DNAJC7: variants seen among roughly 807,000 people sequenced by gnomAD.
DNAJC7 encodes the protein DnaJ heat shock protein family (Hsp40) member C7, also known as dnaJ homolog subfamily C member 7.
DNAJC7 carries 18 observed loss-of-function variants against 67.4 expected under a neutral mutation model. The ratio of observed to expected loss-of-function variants is 0.27; its 90% confidence interval spans 0.18 to 0.40. DNAJC7 has a LOEUF of 0.40. DNAJC7 is among the 10% of genes least tolerant of loss of function. The pLI is 1.00. For synonymous variants in DNAJC7, 220 were observed against 207.8 expected, an observed-to-expected ratio of 1.06 and a Z score of -0.50; for missense variants, 419 against 613.8, an observed-to-expected ratio of 0.68 and a Z score of 3.35.
chr17:41,977,377 T>C lies in DNAJC7; in HGVS notation c.1385-54A>G, dbSNP rs1367904349. 4 of 1,481,732 alleles carry C rather than the reference T, an allele frequency of 2.7e-6. No homozygotes were observed. In the South Asian group the frequency reaches 3.6e-5, roughly 13 times the overall value. 91.8% of individuals were successfully genotyped at this position (1,481,732 alleles called of 1,614,324 possible). On this transcript the variant is annotated intron_variant, in intron 12 of 13. Coordinates refer to ENST00000457167, the MANE Select transcript of DNAJC7 (RefSeq NM_003315.4). ...GGAAGAAAAGGTGAAAAATTAGAAA[T>C]GTTCGAAGAGAACTGATGACACTGA...
intron 12 of DNAJC7, among the ~76,000 whole-genome samples, chr17:41,978,874 C>G (rs958582619): frequency 2.2e-4 from 33 of 151,298 alleles, no homozygotes; most frequent in African/African-American, 7.5e-4. Flanking sequence ...AGTGAGACTC[C>G]GTCTCAAAAC....
chr17:41,982,679 C>T (rs1420515083), intron 10 of DNAJC7, among the ~76,000 whole-genome samples: 4 of 152,156 alleles, frequency 2.6e-5, no homozygotes, highest in East Asian at 1.9e-4. Context: ...TTCGGTAGCA[C>T]GAAAGAAAGG....
At chr17:42,006,433 C>A (rs1555650270) in intron 1 of DNAJC7, among the ~76,000 whole-genome samples, 1 of 151,554 alleles carries the variant, frequency 6.6e-6, no homozygotes, top group African/African-American at 2.4e-5. Context: ...ACCTCCTGAG[C>A]CCAGGAGGTC....
intron 12 of DNAJC7, 127 bp from the exon 13 acceptor site, chr17:41,977,450 C>T (rs77147872): frequency 0.015 from 12,105 of 832,588 alleles, 111 homozygotes; most frequent in Non-Finnish European, 0.019. Context: ...CCCTCCTTTC[C>T]CAACACTTCA....
chr17:42,011,475 A>G (rs1398681518), intron 1 of DNAJC7: 1 of 152,054 alleles, frequency 6.6e-6, no homozygotes, highest in Non-Finnish European at 1.5e-5. Context: ...CTTTCTCTGT[A>G]CTCTACCTTT....
At chr17:42,017,319 A>T in intron 1 of DNAJC7, 21 bp downstream of exon 1, 1 of 1,611,090 alleles carries the variant, frequency 6.2e-7, no homozygotes, top group Admixed American at 1.7e-5. Flanking sequence ...CGCCTCCTCT[A>T]CTACCCTGCT....
At chr17:41,985,647 G>A (rs1418587110) in intron 9 of DNAJC7, 1 of 152,162 alleles carries the variant, frequency 6.6e-6, no homozygotes, top group Admixed American at 6.5e-5. Flanking sequence ...AGGAGAAAGG[G>A]TGAACTCTAG....
chr17:41,996,465 C>T lies in DNAJC7; in HGVS notation c.292-41G>A, dbSNP rs782628182. ...GAGGGAAGAAAAGAAGCATGATTGG[C>T]CAAGTGGAAAGAAATCAACAGCAGC... is the stretch of plus-strand genomic sequence containing the variant. On this transcript the variant is annotated intron_variant, in intron 3 of 13. Transcript: ENST00000457167. 11 of 1,576,744 alleles carry T rather than the reference C, an allele frequency of 7.0e-6. No individual in the cohort carries two copies. In the African/African-American group the frequency reaches 1.4e-4, roughly 20 times the overall value.
intron 5 of DNAJC7, among the ~76,000 whole-genome samples, chr17:41,994,329 C>T (rs2051596787): frequency 6.8e-6 from 1 of 147,774 alleles, no homozygotes; most frequent in Non-Finnish European, 1.5e-5. Flanking sequence ...GAGTGAAACT[C>T]CATCTCAAAA....
intron 5 of DNAJC7, among the ~76,000 whole-genome samples, chr17:41,991,459 AT>A (rs1231486347): frequency 1.3e-5 from 2 of 151,668 alleles, no homozygotes; most frequent in Non-Finnish European, 2.9e-5. Flanking sequence ...CTACTCAGTG[AT>A]TTTTTTTTAA....
At chr17:41,980,352 T>A (rs972788726) in intron 12 of DNAJC7, among the ~76,000 whole-genome samples, 4 of 149,872 alleles carry the variant, frequency 2.7e-5, no homozygotes, top group Admixed American at 6.6e-5. Flanking sequence ...CCAGCAAATT[T>A]TTTGGCAGAC....
At chr17:41,977,094 C>T in intron 13 of DNAJC7, 167 bp downstream of exon 13, 1 of 750,964 alleles carries the variant, frequency 1.3e-6, no homozygotes, top group Non-Finnish European at 2.2e-6. Flanking sequence ...GCCTGGGAAC[C>T]TTCCTGTCTT....
intron 12 of DNAJC7, among the ~76,000 whole-genome samples, chr17:41,979,480 C>T (rs1213483659): frequency 1.4e-5 from 2 of 147,598 alleles, no homozygotes; most frequent in African/African-American, 2.5e-5. Flanking sequence ...AAGACCAGCC[C>T]GGCCAACATG....
At position 41,996,328 on chromosome 17, in the gene DNAJC7, C is replaced by T. The variant is rs782533011; in HGVS notation, c.388G>A (p.Ala130Thr). The T allele has an allele frequency of 2.5e-6, 4 of 1,613,830 alleles. No homozygotes were observed. The highest frequency in any genetic ancestry group is 3.4e-6 in the Non-Finnish European group (4 of 1,179,868). Residue 130 changes from alanine to threonine, a missense_variant, in exon 4 of 14, where the codon GCT (alanine) becomes ACT (threonine). Ala to Thr is a moderately conservative substitution (Grantham distance 58, BLOSUM62 0). Transcript: ENST00000457167. ...ACCCGTACCTCTTGTTGTGCCTGAG[C>T]ATTTTTATGATCCAGTTCTAGGGCT... The part of the protein sequence containing the change: ...QRALELDHKN[A>T]QAQQEFKNAN...
At chr17:41,990,486 T>C in intron 5 of DNAJC7, 104 bp from the exon 6 acceptor site, 1 of 894,378 alleles carries the variant, frequency 1.1e-6, no homozygotes, top group Non-Finnish European at 1.8e-6. Context: ...AATGAGGTCT[T>C]TGGGTCCACT....
intron 13 of DNAJC7, 83 bp downstream of exon 13, chr17:41,977,178 C>G: frequency 1.4e-6 from 2 of 1,401,328 alleles, no homozygotes; most frequent in African/African-American, 1.4e-5. Context: ...ATGGGCCCCT[C>G]TGACTCCCAA....
intron 5 of DNAJC7, among the ~76,000 whole-genome samples, chr17:41,991,124 T>C (rs1443132752): frequency 6.6e-6 from 1 of 152,232 alleles, no homozygotes; most frequent in Non-Finnish European, 1.5e-5. Flanking sequence ...ATTCTGTTTT[T>C]CTCTTTTTAC....
intron 9 of DNAJC7, among the ~76,000 whole-genome samples, chr17:41,986,897 A>G (rs2051397811): frequency 6.6e-6 from 1 of 152,236 alleles, no homozygotes; most frequent in Non-Finnish European, 1.5e-5. Flanking sequence ...AAGGAAGCTT[A>G]AACTACTGGC....
At chr17:41,999,208 G>C (rs528887198) in intron 2 of DNAJC7, among the ~76,000 whole-genome samples, 4 of 147,524 alleles carry the variant, frequency 2.7e-5, no homozygotes, top group Admixed American at 6.7e-5. Context: ...TCAGCCTCCC[G>C]AGTAGCTGGG....
Sources: allele counts gnomAD v4.1 joint callset (sites outside exome capture counted in the v4.1 genomes callset), GRCh38; gene constraint gnomAD v4.1.1; transcripts MANE v1.5; gene names NCBI Gene and HGNC (gene_info 2026-07-23, HGNC 2026-07-21).